Variants in RAD51B observed in about 807,000 individuals in gnomAD.
RAD51B encodes RAD51 paralog B.
In RAD51B, 38 loss-of-function variants were observed where a neutral mutation model predicts 42.2. The ratio of observed to expected loss-of-function variants is 0.90; its 90% confidence interval spans 0.70 to 1.18. The LOEUF (loss-of-function observed/expected upper bound fraction) is 1.18. Ranked by LOEUF, RAD51B falls within the 50% of genes most tolerant of loss-of-function variation. The pLI is 0.00. For synonymous variants in RAD51B, 154 were observed against 145.2 expected (o/e 1.06, Z -0.43); for missense variants, 373 against 400.7 (o/e 0.93, Z 0.59).
chr14:68,204,432 A>T (rs935168124), intron 7 of RAD51B, among the ~76,000 whole-genome samples: 17 of 152,220 alleles, frequency 1.1e-4, no homozygotes, highest in Non-Finnish European at 2.1e-4. Context: ...AATAACATCA[A>T]AGATCACTGA....
intron 7 of RAD51B, among the ~76,000 whole-genome samples, chr14:68,201,603 T>C (rs2079486520): frequency 1.3e-5 from 2 of 152,204 alleles, no homozygotes; most frequent in Non-Finnish European, 2.9e-5. Flanking sequence ...CACCTTTTCA[T>C]ACCATGTTTC....
chr14:68,167,450 C>G (rs1281315291), intron 7 of RAD51B, among the ~76,000 whole-genome samples: 1 of 152,132 alleles, frequency 6.6e-6, no homozygotes, highest in African/African-American at 2.4e-5. Context: ...ATATCCTTCC[C>G]TTCCTGCTTT....
At chr14:68,654,955 C>T (rs1373259313) in intron 11 of RAD51B, among the ~76,000 whole-genome samples, 1 of 152,100 alleles carries the variant, frequency 6.6e-6, no homozygotes, top group Non-Finnish European at 1.5e-5. Context: ...CCCCTGCCTT[C>T]CCAGGTAAGT....
At position 67,989,359 on chromosome 14, in the gene RAD51B, G is replaced by A. The variant is rs8016410; in HGVS notation, c.756+102155G>A. ...TGCATTTAAATATGAAAATGAGGCC[G>A]GGCGCAGTGGCTCATGCCTGTAATC... On this transcript the variant is annotated intron_variant, in intron 7 of 10. Coordinates refer to ENST00000471583, the MANE Select transcript of RAD51B (RefSeq NM_133510.4). 8.2e-3 allele frequency among the ~76,000 whole-genome samples: 1,248 copies of A among 152,174 alleles called. 14 individuals carry two copies. The highest frequency in any genetic ancestry group is 0.028 in the African/African-American group (1,166 of 41,528).
chr14:68,454,588 T>C (rs987810082), intron 9 of RAD51B, among the ~76,000 whole-genome samples: 3 of 152,164 alleles, frequency 2.0e-5, no homozygotes, highest in African/African-American at 7.2e-5. Context: ...CTGGAGAGGA[T>C]AGAACAGGTT....
At chr14:68,584,640 G>A (rs758355228) in intron 10 of RAD51B, among the ~76,000 whole-genome samples, 3 of 152,018 alleles carry the variant, frequency 2.0e-5, no homozygotes, top group South Asian at 4.1e-4. Context: ...TATCCAAATC[G>A]CTTTCGTCCT....
At chr14:68,093,479 T>C (rs1422125347) in intron 7 of RAD51B, among the ~76,000 whole-genome samples, 1 of 152,254 alleles carries the variant, frequency 6.6e-6, no homozygotes, top group Non-Finnish European at 1.5e-5. Context: ...TTTTCTAGTT[T>C]ATTTGCATAG....
At chr14:67,903,124 C>T (rs1264324555) in intron 7 of RAD51B, among the ~76,000 whole-genome samples, 1 of 152,150 alleles carries the variant, frequency 6.6e-6, no homozygotes, top group East Asian at 1.9e-4. Flanking sequence ...TCCCAAAGTG[C>T]TGGGATTACA....
chr14:68,655,176 C>T (rs1204520132), intron 11 of RAD51B, among the ~76,000 whole-genome samples: 2 of 151,950 alleles, frequency 1.3e-5, no homozygotes, highest in Non-Finnish European at 2.9e-5. Flanking sequence ...AGCTAGCTGC[C>T]CCCACTCTCA....
intron 7 of RAD51B, among the ~76,000 whole-genome samples, chr14:67,895,758 C>T (rs1163479907): frequency 6.6e-6 from 1 of 152,018 alleles, no homozygotes; most frequent in African/African-American, 2.4e-5. Flanking sequence ...TGGCTCCAAC[C>T]TACTCCTCCC....
intron 7 of RAD51B, among the ~76,000 whole-genome samples, chr14:68,270,441 T>G (rs1213656528): frequency 6.6e-6 from 1 of 152,232 alleles, no homozygotes; most frequent in Non-Finnish European, 1.5e-5. Context: ...TTTCCCACAG[T>G]CTTAGGCTGA....
At chr14:67,887,864 A>C (rs1411627675) in intron 7 of RAD51B, among the ~76,000 whole-genome samples, 1 of 152,192 alleles carries the variant, frequency 6.6e-6, no homozygotes, top group Non-Finnish European at 1.5e-5. Flanking sequence ...GCAAGACGTA[A>C]GTGTGTACTA....
chr14:67,968,263 T>C (rs1283202928), intron 7 of RAD51B, among the ~76,000 whole-genome samples: 1 of 152,208 alleles, frequency 6.6e-6, no homozygotes, highest in African/African-American at 2.4e-5. Context: ...GGGGCTGCCA[T>C]GAAGACCTAT....
At chr14:68,613,630 A>G (rs143856454), downstream of RAD51B, among the ~76,000 whole-genome samples, 552 of 151,606 alleles carry the variant, frequency 3.6e-3, 5 homozygotes, top group Non-Finnish European at 5.4e-3. Flanking sequence ...GTTTTTTTGT[A>G]TTTTTAGTAG....
At chr14:68,400,655 CA>C (rs2084075034) in intron 8 of RAD51B, among the ~76,000 whole-genome samples, 1 of 152,094 alleles carries the variant, frequency 6.6e-6, no homozygotes, top group African/African-American at 2.4e-5. Context: ...ACAGATAGAA[CA>C]CACTGTGGGG....
At chr14:67,946,942 T>G (rs1209765823) in intron 7 of RAD51B, among the ~76,000 whole-genome samples, 1 of 152,184 alleles carries the variant, frequency 6.6e-6, no homozygotes, top group Non-Finnish European at 1.5e-5. Flanking sequence ...AAAATTAGAT[T>G]TCTTAATTTG....
chr14:68,613,136 C>A (rs1286647234), downstream of RAD51B, among the ~76,000 whole-genome samples: 1 of 152,188 alleles, frequency 6.6e-6, no homozygotes, highest in Non-Finnish European at 1.5e-5. Context: ...TTAGTGGAGG[C>A]CAGGCGTGGT....
At chr14:68,502,918 T>C (rs2140300536) in intron 10 of RAD51B, among the ~76,000 whole-genome samples, 1 of 152,280 alleles carries the variant, frequency 6.6e-6, no homozygotes, top group South Asian at 2.1e-4. Flanking sequence ...AGGGGGCATC[T>C]TTCAGGCTAG....
At chr14:68,249,269 G>A (rs2080568599) in intron 7 of RAD51B, among the ~76,000 whole-genome samples, 1 of 152,194 alleles carries the variant, frequency 6.6e-6, no homozygotes, top group South Asian at 2.1e-4. Flanking sequence ...GTTGTGAAGA[G>A]TATGAACTTG....
Sources: allele counts gnomAD v4.1 joint callset (sites outside exome capture counted in the v4.1 genomes callset), GRCh38; gene constraint gnomAD v4.1.1; transcripts MANE v1.5; gene names NCBI Gene and HGNC (gene_info 2026-07-23, HGNC 2026-07-21).